The following BCAS3 variants were observed in gnomAD, a reference collection of about 807,000 sequenced individuals.
BCAS3 encodes the protein BCAS3 microtubule associated cell migration factor.
A neutral mutation model predicts 116.1 loss-of-function variants in BCAS3; 53 were observed. That is an observed-to-expected ratio of 0.46 (90% CI 0.37 to 0.57). The LOEUF (loss-of-function observed/expected upper bound fraction) is 0.57. Ranked by LOEUF, BCAS3 falls within the 20% of genes least tolerant of loss-of-function variation. The probability of loss-of-function intolerance (pLI) is 0.00; values close to 1 mark genes in which losing one functional copy is unlikely to be tolerated. For synonymous variants in BCAS3, 391 were observed against 408.2 expected (o/e 0.96, Z 0.51); for missense variants, 917 against 1,165.4 (o/e 0.79, Z 3.10).
At chr17:61,101,386 A>C (rs950915433) in intron 22 of BCAS3, among the ~76,000 whole-genome samples, 2 of 152,210 alleles carry the variant, frequency 1.3e-5, no homozygotes, top group Non-Finnish European at 2.9e-5. Flanking sequence ...ACTTATGGGA[A>C]AATTCAAACT....
Position 60,910,584 on chromosome 17 carries a change from G to A in BCAS3, c.875G>A (p.Gly292Asp), listed in dbSNP as rs750786732. ...MVGKVVTQLT[G>D]TLPSGVTEDD... ...GGGAAAGTGGTGACTCAGCTGACAG[G>A]CACACTGCCTTCAGGTGTGACAGAA... The change falls in exon 12 of 24, where the codon GGC becomes GAC. Residue 292 changes from glycine to aspartate, a missense_variant. This residue lies in a region of BCAS3 where 807 missense variants were observed against 1,026.0 expected (regional missense o/e 0.79). Transcript: ENST00000407086. 6.2e-7 allele frequency: 1 copy of A among 1,612,030 alleles called. No homozygotes were observed. Among genetic ancestry groups the A allele is most frequent in the South Asian group, 1.1e-5 (1 of 90,804 alleles).
intron 22 of BCAS3, among the ~76,000 whole-genome samples, chr17:61,338,033 C>T (rs1216811677): frequency 1.3e-5 from 2 of 152,250 alleles, no homozygotes; most frequent in African/African-American, 2.4e-5. Flanking sequence ...TCGAATGTCA[C>T]GCTTAATGTT....
At chr17:60,811,432 G>A (rs1437811121) in intron 7 of BCAS3, 8 of 604,116 alleles carry the variant, frequency 1.3e-5, no homozygotes, top group Non-Finnish European at 2.1e-5. Flanking sequence ...TGGTGTCTGA[G>A]ACCAGCGACA....
Position 61,348,605 on chromosome 17 carries a change from G to A in BCAS3, c.2426-19722G>A, listed in dbSNP as rs929145532. Among the ~76,000 whole-genome samples, 19 of 152,190 alleles carry A rather than the reference G, an allele frequency of 1.2e-4. No individual in the cohort carries two copies. The highest frequency in any genetic ancestry group is 3.4e-3 in the Middle Eastern group (1 of 294). On this transcript the variant is annotated intron_variant, in intron 22 of 23. Transcript: ENST00000407086. The surrounding 1 kb of genome is among the most constrained non-coding windows in gnomAD (Gnocchi z 4.5). Reference sequence around the variant, plus strand: ...TCAGAGAGGGAAGAGGAAAACTGAGGAAGCTAGGGAGTAGTCAGCAATTTC... The same window carrying A: ...TCAGAGAGGGAAGAGGAAAACTGAGAAAGCTAGGGAGTAGTCAGCAATTTC...
chr17:61,225,658 T>G (rs765805817), intron 22 of BCAS3, among the ~76,000 whole-genome samples: 1 of 152,190 alleles, frequency 6.6e-6, no homozygotes, highest in Non-Finnish European at 1.5e-5. Context: ...CTTTACTGCT[T>G]AAAGCGTCTA....
intron 22 of BCAS3, among the ~76,000 whole-genome samples, chr17:61,108,358 T>C (rs903910684): frequency 2.0e-5 from 3 of 152,188 alleles, no homozygotes; most frequent in African/African-American, 4.8e-5. Flanking sequence ...AGTTGAGTCA[T>C]GTGTTTTAGT....
intron 15 of BCAS3, among the ~76,000 whole-genome samples, chr17:61,014,038 T>C (rs1013765056): frequency 6.6e-6 from 1 of 152,138 alleles, no homozygotes; most frequent in Non-Finnish European, 1.5e-5. Flanking sequence ...GGGGGGATGC[T>C]TTTGCTGTGT....
At chr17:61,262,346 A>G (rs756109515) in intron 22 of BCAS3, among the ~76,000 whole-genome samples, 23 of 151,754 alleles carry the variant, frequency 1.5e-4, no homozygotes, top group Non-Finnish European at 2.2e-4. Context: ...GAGAAGACCC[A>G]CATAAATGGA....
intron 22 of BCAS3, among the ~76,000 whole-genome samples, chr17:61,294,353 A>G (rs751750130): frequency 6.6e-6 from 1 of 152,152 alleles, no homozygotes; most frequent in Non-Finnish European, 1.5e-5. Context: ...ACTTCCCACC[A>G]GCCTAGGGAA....
intron 22 of BCAS3, among the ~76,000 whole-genome samples, chr17:61,297,966 G>A (rs2053085818): frequency 6.6e-6 from 1 of 152,196 alleles, no homozygotes; most frequent in Admixed American, 6.5e-5. Context: ...TAGCAGCTGA[G>A]CAGCTAACTT....
chr17:60,709,191 G>T (rs766099487), intron 4 of BCAS3, 28 bp from the exon 5 acceptor site: 1 of 1,141,364 alleles, frequency 8.8e-7, no homozygotes, highest in South Asian at 1.3e-5. Context: ...TTTTAAATTT[G>T]CTTCTTTGTT....
In BCAS3 at chr17:60,993,178, G is replaced by A. The variant is rs945049461; in HGVS notation, c.1486+2943G>A. On this transcript the variant is annotated intron_variant, in intron 15 of 23. Transcript: ENST00000407086. This position sits in a 1 kb window ranked among gnomAD's most constrained non-coding sequence, Gnocchi z 4.2. ...CCCTCATAGATCTTGTATTCCACGG[G>A]AAAAGACAGATATTAAATGACTGTG... is the stretch of plus-strand genomic sequence containing the variant. 3.3e-5 allele frequency among the ~76,000 whole-genome samples: 5 copies of A among 152,070 alleles called. No individual in the cohort carries two copies. The highest frequency in any genetic ancestry group is 4.8e-5 in the African/African-American group (2 of 41,412).
rs2077138700 is a variant in BCAS3, at chr17:61,145,324, G to C, written c.2425+60760G>C. On this transcript the variant is annotated intron_variant, in intron 22 of 23. Coordinates refer to ENST00000407086, the MANE Select transcript of BCAS3 (RefSeq NM_017679.5). This position sits in a 1 kb window ranked among gnomAD's most constrained non-coding sequence, Gnocchi z 5.0. ...AGTTCACATCCTGGGGCAGCAGCGG[G>C]GTCTGGCCTGCAGAAAGGAGCAGCC... 6.6e-6 allele frequency among the ~76,000 whole-genome samples: 1 copy of C among 152,164 alleles called. No homozygotes were observed. Among genetic ancestry groups the C allele is most frequent in the Non-Finnish European group, 1.5e-5 (1 of 68,034 alleles).
rs1444782378 is a variant in BCAS3 at position 61,029,579 on chromosome 17, G to C, written c.1638-5087G>C. 1.3e-5 allele frequency among the ~76,000 whole-genome samples: 2 copies of C among 151,778 alleles called. No homozygotes were observed. Among genetic ancestry groups the C allele is most frequent in the Admixed American group, 1.3e-4 (2 of 15,222 alleles). ...TGCTTTCAATATTACAAATAAATAG[G>C]AATGTATCAAGCTCTGAATTTGCAT... On this transcript the variant is annotated intron_variant, in intron 16 of 23. Coordinates refer to ENST00000407086, the MANE Select transcript of BCAS3 (RefSeq NM_017679.5). This position sits in a 1 kb window ranked among gnomAD's most constrained non-coding sequence, Gnocchi z 5.2.
chr17:61,174,517 G>GCC (rs2079029412), intron 22 of BCAS3, among the ~76,000 whole-genome samples: 1 of 152,158 alleles, frequency 6.6e-6, no homozygotes, highest in Non-Finnish European at 1.5e-5. Flanking sequence ...AGGCTGAATA[G>GCC]TATTCCATTG....
Position 61,222,825 on chromosome 17 carries a change from T to C in BCAS3, c.2425+138261T>C, listed in dbSNP as rs1429920350. 6.6e-6 allele frequency among the ~76,000 whole-genome samples: 1 copy of C among 152,220 alleles called. No individual in the cohort carries two copies. The highest frequency in any genetic ancestry group is 1.5e-5 in the Non-Finnish European group (1 of 68,030). On this transcript the variant is annotated intron_variant, in intron 22 of 23. Coordinates refer to ENST00000407086, the MANE Select transcript of BCAS3 (RefSeq NM_017679.5). This position sits in a 1 kb window ranked among gnomAD's most constrained non-coding sequence, Gnocchi z 6.1. ...TTCCTTTTGCCTCAGTCAGCTGCCTTGAATGAAATTATCTGCTGCTGCTCT... is the reference window on the plus strand; with the variant it reads ...TTCCTTTTGCCTCAGTCAGCTGCCTCGAATGAAATTATCTGCTGCTGCTCT...
At chr17:60,696,928 T>G (rs1172133837) in intron 4 of BCAS3, among the ~76,000 whole-genome samples, 1 of 151,962 alleles carries the variant, frequency 6.6e-6, no homozygotes, top group African/African-American at 2.4e-5. Flanking sequence ...GGCTCATGCC[T>G]GTAATCCCAG....
In BCAS3 at chr17:61,204,626, A is replaced by G. The variant is rs1400637076; in HGVS notation, c.2425+120062A>G. Among the ~76,000 whole-genome samples the G allele has an allele frequency of 6.6e-6, 1 of 152,206 alleles. No individual in the cohort carries two copies. Among genetic ancestry groups the G allele is most frequent in the Admixed American group, 6.5e-5 (1 of 15,272 alleles). The stretch of plus-strand genomic sequence containing the variant: ...CTAGAATATAATTGCCTCTGAAAAC[A>G]CAGTACCAGGGTTTTTTTGTTTTCG... On this transcript the variant is annotated intron_variant, in intron 22 of 23. Transcript: ENST00000407086. The surrounding 1 kb of genome is among the most constrained non-coding windows in gnomAD (Gnocchi z 4.2).
At chr17:61,115,215 G>A (rs1200327514) in intron 22 of BCAS3, among the ~76,000 whole-genome samples, 3 of 152,126 alleles carry the variant, frequency 2.0e-5, no homozygotes, top group Non-Finnish European at 4.4e-5. Flanking sequence ...AAAAGCAATG[G>A]CAACAAAAGA....
Sources: gnomAD v4.1 joint callset for allele counts (sites outside exome capture counted in the v4.1 genomes callset) on GRCh38, gnomAD v4.1.1 for gene constraint, gnomAD v4.1.1 regional missense constraint, Gnocchi (gnomAD v3.1) non-coding constraint, MANE v1.5 for transcripts, NCBI Gene and HGNC (gene_info 2026-07-23, HGNC 2026-07-21) for gene names.